TGFBI: variants seen among roughly 807,000 people sequenced by gnomAD.
The protein encoded by TGFBI is transforming growth factor beta induced, also known as transforming growth factor-beta-induced protein ig-h3.
Under a neutral mutation model 73.7 loss-of-function variants are expected in TGFBI, and 50 were observed. The ratio of observed to expected loss-of-function variants is 0.68; its 90% CI spans 0.54 to 0.86. The LOEUF is 0.86. TGFBI is among the 40% of genes least tolerant of loss of function. The probability of loss-of-function intolerance (pLI) is 0.00; values close to 1 mark genes in which losing one functional copy is unlikely to be tolerated. For missense variants in TGFBI, 839 were observed against 877.0 expected (o/e 0.96, Z 0.55); for synonymous variants, 362 against 360.5 (o/e 1.00, Z -0.05).
chr5:136,039,495 GAC>G (rs1438782132), intron 2 of TGFBI, among the ~76,000 whole-genome samples: 1 of 152,192 alleles, frequency 6.6e-6, no homozygotes, highest in Non-Finnish European at 1.5e-5. Flanking sequence ...GGGTCCCAGA[GAC>G]AAGGCCTCCT....
At chr5:136,036,466 G>T (rs1366589427) in intron 2 of TGFBI, among the ~76,000 whole-genome samples, 6 of 152,230 alleles carry the variant, frequency 3.9e-5, no homozygotes, top group Non-Finnish European at 8.8e-5. Context: ...AGGTGGAGCT[G>T]CCCTGGAAAA....
intron 1 of TGFBI, 110 bp downstream of exon 1, chr5:136,029,299 A>AG: frequency 7.9e-7 from 1 of 1,261,920 alleles, no homozygotes; most frequent in Non-Finnish European, 1.0e-6. Context: ...ACAAAGCCCG[A>AG]ACTAAAAACC....
At chr5:136,052,206 C>A (rs1304420708) in intron 7 of TGFBI, among the ~76,000 whole-genome samples, 2 of 152,198 alleles carry the variant, frequency 1.3e-5, no homozygotes, top group Non-Finnish European at 2.9e-5. Flanking sequence ...TGCCCTGCCC[C>A]CTAAAGTAGC....
intron 3 of TGFBI, 63 bp downstream of exon 3, chr5:136,044,185 G>A (rs1022470598): frequency 2.8e-6 from 4 of 1,408,794 alleles, no homozygotes; most frequent in South Asian, 1.2e-5. Flanking sequence ...GGAGAGAGGA[G>A]TACCCACATA....
In TGFBI at chr5:136,060,884, C is replaced by T. The variant is rs1260527369; in HGVS notation, c.1854C>T (p.Ile618=). The change falls in exon 14 of 17, where the codon ATC becomes ATT. Residue 618 remains isoleucine, a synonymous_variant. Transcript: ENST00000442011. The part of the protein sequence containing the change: ...VNKEPVAEPD[I]MATNGVVHVI... ...AGGAGCCTGTTGCCGAGCCTGACAT[C>T]ATGGCCACAAATGGCGTGGTCCATG... 1 of 1,601,358 alleles carries T rather than the reference C, an allele frequency of 6.2e-7. No individual in the cohort carries two copies. Among genetic ancestry groups the T allele is most frequent in the African/African-American group, 1.3e-5 (1 of 74,956 alleles).
intron 8 of TGFBI, 78 bp downstream of exon 8, chr5:136,053,197 A>G (rs1751569333): frequency 7.1e-7 from 1 of 1,417,606 alleles, no homozygotes; most frequent in South Asian, 1.2e-5. Flanking sequence ...GGGGAGGGGA[A>G]ATTCAGAGAT....
chr5:136,042,007 A>G (rs1293805607), intron 2 of TGFBI, among the ~76,000 whole-genome samples: 1 of 152,244 alleles, frequency 6.6e-6, no homozygotes, highest in Non-Finnish European at 1.5e-5. Flanking sequence ...GAGGACTTTG[A>G]GGATAACACT....
At chr5:136,054,324 C>T (rs1269337978) in intron 9 of TGFBI, among the ~76,000 whole-genome samples, 1 of 152,138 alleles carries the variant, frequency 6.6e-6, no homozygotes, top group African/African-American at 2.4e-5. Context: ...GGGAGGCAGC[C>T]GTTCCTCAGA....
chr5:136,029,262 C>T, intron 1 of TGFBI, 73 bp downstream of exon 1: 1 of 1,386,964 alleles, frequency 7.2e-7, no homozygotes, highest in Non-Finnish European at 9.3e-7. Flanking sequence ...CCGCTGGGGG[C>T]ATTGAACTGG....
rs1394226191 is a variant in TGFBI at position 136,060,948 on chromosome 5, A to C, written c.1906+12A>C. 1 of 1,546,088 alleles carries C rather than the reference A, an allele frequency of 6.5e-7. No homozygotes were observed. The highest frequency in any genetic ancestry group is 1.4e-5 in the African/African-American group (1 of 73,272). ...TCTGCAGCCTCCAGGTAAGTGTCGC[A>C]TCCCCACTGACTCTGCAGCCAGTCC... On this transcript the variant is annotated intron_variant, in intron 14 of 16. Transcript: ENST00000442011.
chr5:136,053,580 G>GA (rs1242824297), intron 8 of TGFBI, among the ~76,000 whole-genome samples: 3 of 152,232 alleles, frequency 2.0e-5, no homozygotes, highest in African/African-American at 7.2e-5. Context: ...AATCTCACAG[G>GA]AAAAAACAAA....
At chr5:136,032,180 G>A (rs1751132235) in intron 1 of TGFBI, among the ~76,000 whole-genome samples, 1 of 152,152 alleles carries the variant, frequency 6.6e-6, no homozygotes, top group South Asian at 2.1e-4. Flanking sequence ...TGGAGGATTT[G>A]GTCAGGCCCA....
chr5:136,040,481 A>C (rs1381973605), intron 2 of TGFBI, among the ~76,000 whole-genome samples: 1 of 152,174 alleles, frequency 6.6e-6, no homozygotes, highest in Non-Finnish European at 1.5e-5. Flanking sequence ...TAGCTTGTGC[A>C]TTCCTTATGA....
chr5:136,053,982 C>A lies in TGFBI; in HGVS notation c.1166C>A (p.Ser389Tyr), dbSNP rs779534878. The change falls in exon 9 of 17, where the codon TCC becomes TAC. Residue 389 changes from serine to tyrosine, a missense_variant. Transcript: ENST00000442011. Reference protein sequence around the residue: ...LFELAAESDVSTAIDLFRQAG... With the variant: ...LFELAAESDVYTAIDLFRQAG... ...GAATTGGCTGCAGAGTCTGATGTGTCCACAGCCATTGACCTTTTCAGACAA... is the reference window on the plus strand; with the variant it reads ...GAATTGGCTGCAGAGTCTGATGTGTACACAGCCATTGACCTTTTCAGACAA... The A allele has an allele frequency of 3.1e-6, 5 of 1,614,028 alleles. No individual in the cohort carries two copies. Among genetic ancestry groups the A allele is most frequent in the Non-Finnish European group, 4.2e-6 (5 of 1,179,894 alleles).
At chr5:136,049,064 C>A in intron 6 of TGFBI, 1 of 205,368 alleles carries the variant, frequency 4.9e-6, no homozygotes, top group South Asian at 1.0e-4. Context: ...TCACCTTTGT[C>A]TGGCGGTGAG....
chr5:136,051,454 A>G (rs151288434), intron 7 of TGFBI, among the ~76,000 whole-genome samples: 1 of 152,078 alleles, frequency 6.6e-6, no homozygotes, highest in Non-Finnish European at 1.5e-5. Flanking sequence ...ACAAAACAAA[A>G]CAAAACAAAA....
intron 2 of TGFBI, among the ~76,000 whole-genome samples, chr5:136,038,765 G>T (rs1400372277): frequency 6.6e-6 from 1 of 151,778 alleles, no homozygotes; most frequent in Non-Finnish European, 1.5e-5. Context: ...GTCAGAGAAG[G>T]CAACGTGATG....
At chr5:136,037,992 A>G (rs1184354257) in intron 2 of TGFBI, among the ~76,000 whole-genome samples, 1 of 152,072 alleles carries the variant, frequency 6.6e-6, no homozygotes, top group Non-Finnish European at 1.5e-5. Context: ...ATCCAAGCAG[A>G]CCCCAGACCC....
chr5:136,049,772 G>A, intron 7 of TGFBI, 192 bp downstream of exon 7: 1 of 601,662 alleles, frequency 1.7e-6, no homozygotes, highest in Non-Finnish European at 2.8e-6. Flanking sequence ...CTACTCTGAG[G>A]GCTGACTACA....
Sources: allele counts gnomAD v4.1 joint callset (sites outside exome capture counted in the v4.1 genomes callset), GRCh38; gene constraint gnomAD v4.1.1; transcripts MANE v1.5; gene names NCBI Gene and HGNC (gene_info 2026-07-23, HGNC 2026-07-21).